Variants in LPP observed in about 807,000 individuals in gnomAD.
LPP encodes the protein lipoma-preferred partner.
LPP carries 38 observed loss-of-function variants against 60.4 expected under a neutral mutation model. That is an observed-to-expected ratio of 0.63 (90% confidence interval 0.49 to 0.83). The LOEUF (loss-of-function observed/expected upper bound fraction) is 0.83, where lower values mean the gene tolerates loss of function less well. LPP is among the 40% of genes least tolerant of loss of function. The probability of loss-of-function intolerance (pLI) is 0.00; values close to 1 mark genes in which losing one functional copy is unlikely to be tolerated. For missense variants in LPP, 902 were observed against 783.6 expected, an observed-to-expected ratio of 1.15 and a Z score of -1.80; for synonymous variants, 328 against 290.8, an observed-to-expected ratio of 1.13 and a Z score of -1.30.
intron 5 of LPP, among the ~76,000 whole-genome samples, chr3:188,511,337 C>T (rs1319298169): frequency 6.9e-6 from 1 of 145,770 alleles, no homozygotes; most frequent in African/African-American, 2.6e-5. Flanking sequence ...TCCCTCCCTC[C>T]CTTGTCCCTC....
chr3:188,581,961 CAG>C (rs1836275342), intron 6 of LPP, among the ~76,000 whole-genome samples: 1 of 65,402 alleles, frequency 1.5e-5, no homozygotes, highest in African/African-American at 4.3e-5. Flanking sequence ...AGGCTTTTTT[CAG>C]AGTTTCCCTT....
At position 188,352,507 on chromosome 3, in the gene LPP, T is replaced by A. The variant is rs1471904922; in HGVS notation, c.-10+10788T>A. Among the ~76,000 whole-genome samples the A allele has an allele frequency of 6.6e-6, 1 of 152,140 alleles. No individual in the cohort carries two copies. Among genetic ancestry groups the A allele is most frequent in the Non-Finnish European group, 1.5e-5 (1 of 68,020 alleles). ...GCCCTCAGTTGCCACTTGGAAACGG[T>A]TGGAAACTGTAGATCAGGCACAGAC... On this transcript the variant is annotated intron_variant, in intron 3 of 11. Transcript: ENST00000617246. This position sits in a 1 kb window ranked among gnomAD's most constrained non-coding sequence, Gnocchi z 4.4.
chr3:188,293,836 G>A (rs1427971744), intron 2 of LPP, among the ~76,000 whole-genome samples: 3 of 151,946 alleles, frequency 2.0e-5, no homozygotes, highest in Non-Finnish European at 4.4e-5. Flanking sequence ...AGACCGAGGT[G>A]GGTGAATCAC....
At chr3:188,239,967 T>A (rs1723334841) in intron 2 of LPP, 2 of 198,172 alleles carry the variant, frequency 1.0e-5, no homozygotes, top group Admixed American at 6.1e-5. Flanking sequence ...CACCTCACTT[T>A]ACAGTCAGAG....
intron 4 of LPP, among the ~76,000 whole-genome samples, chr3:188,440,276 T>C (rs1793443336): frequency 6.6e-6 from 1 of 152,216 alleles, no homozygotes; most frequent in African/African-American, 2.4e-5. Flanking sequence ...ATTTTCAGTG[T>C]CCTCTTTCGT....
In LPP at chr3:188,181,198, C is replaced by T. The variant is rs543416965; in HGVS notation, c.-190+26946C>T. Among the ~76,000 whole-genome samples, 295 of 152,018 alleles carry T rather than the reference C, an allele frequency of 1.9e-3. 2 individuals are homozygous for T. Among genetic ancestry groups the T allele is most frequent in the African/African-American group, 6.9e-3 (286 of 41,446 alleles). The stretch of plus-strand genomic sequence containing the variant: ...TGAAACCCCGTCTCTACTAAAAATA[C>T]AAAAACTAGCTGGACTTGGTAGCGC... On this transcript the variant is annotated intron_variant, in intron 1 of 11. Coordinates refer to ENST00000617246, the MANE Select transcript of LPP (RefSeq NM_001375462.1).
At chr3:188,459,707 C>T (rs779767194) in intron 4 of LPP, among the ~76,000 whole-genome samples, 4 of 152,158 alleles carry the variant, frequency 2.6e-5, no homozygotes, top group Non-Finnish European at 4.4e-5. Flanking sequence ...CATGGGGACT[C>T]ATACTCAGAG....
At chr3:188,168,751 T>G (rs1212682280) in intron 1 of LPP, among the ~76,000 whole-genome samples, 6 of 152,248 alleles carry the variant, frequency 3.9e-5, no homozygotes, top group Non-Finnish European at 8.8e-5. Flanking sequence ...CTATCTTGTT[T>G]AAAGTCAATT....
Position 188,606,758 on chromosome 3 carries a change from A to G in LPP, c.430-2403A>G, listed in dbSNP as rs545799811. 2.6e-5 allele frequency among the ~76,000 whole-genome samples: 4 copies of G among 152,318 alleles called. No individual in the cohort carries two copies. The East Asian group carries it at 7.7e-4, about 29-fold the overall frequency. On this transcript the variant is annotated intron_variant, in intron 6 of 11. Coordinates refer to ENST00000617246, the MANE Select transcript of LPP (RefSeq NM_001375462.1). The stretch of plus-strand genomic sequence containing the variant: ...TTGAACCTAGAAAAAATTTAAGGTC[A>G]GATTTTTCTCGTCAATAATGCCAGT...
chr3:188,239,250 T>TC (rs1037120320), intron 2 of LPP, among the ~76,000 whole-genome samples: 1 of 152,210 alleles, frequency 6.6e-6, no homozygotes, highest in African/African-American at 2.4e-5. Context: ...GTAAGCCTAA[T>TC]CACCCATTCA....
chr3:188,711,811 T>A (rs143703115), intron 8 of LPP: 15 of 152,228 alleles, frequency 9.9e-5, no homozygotes, highest in African/African-American at 3.1e-4. Context: ...CAAGTGTTCT[T>A]TGAGAATTCA....
chr3:188,173,123 C>T (rs1263168595), intron 1 of LPP, among the ~76,000 whole-genome samples: 1 of 152,206 alleles, frequency 6.6e-6, no homozygotes, highest in Admixed American at 6.5e-5. Flanking sequence ...CCTGCCTCAG[C>T]CTTTTAAACT....
intron 4 of LPP, among the ~76,000 whole-genome samples, chr3:188,414,759 G>A (rs1177345000): frequency 6.6e-6 from 1 of 152,144 alleles, no homozygotes; most frequent in Non-Finnish European, 1.5e-5. Context: ...CTTGAATGCA[G>A]GCAACAATTT....
chr3:188,826,704 A>G (rs1224673893), intron 9 of LPP, among the ~76,000 whole-genome samples: 1 of 151,890 alleles, frequency 6.6e-6, no homozygotes, highest in Admixed American at 6.6e-5. Context: ...TTAAGACTCA[A>G]CTCAAATACC....
rs954893077 is a variant in LPP at position 188,513,996 on chromosome 3, T to C, written c.307-10669T>C. Among the ~76,000 whole-genome samples the C allele has an allele frequency of 2.6e-5, 4 of 152,198 alleles. No individual in the cohort carries two copies. In the East Asian group the frequency reaches 7.7e-4, roughly 29 times the overall value. On this transcript the variant is annotated intron_variant, in intron 5 of 11. Coordinates refer to ENST00000617246, the MANE Select transcript of LPP (RefSeq NM_001375462.1). ...TGGAAGGTGCATACCCTCATTTTTG[T>C]AGAGGTAAAAGTTGAGTTCCAGAAA...
chr3:188,699,433 ATTTGG>A (rs5855218), intron 7 of LPP, among the ~76,000 whole-genome samples: 39,797 of 151,900 alleles, frequency 0.26, 6,049 homozygotes, highest in Non-Finnish European at 0.35. Flanking sequence ...ATGACTCCAA[ATTTGG>A]TTTAAGAAAA....
In LPP at chr3:188,352,614, G is replaced by T. The variant is rs185847325; in HGVS notation, c.-10+10895G>T. Among the ~76,000 whole-genome samples, 381 of 152,314 alleles carry T rather than the reference G, an allele frequency of 2.5e-3. 1 individual carries two copies. The highest frequency in any genetic ancestry group is 8.9e-3 in the African/African-American group (369 of 41,570). On this transcript the variant is annotated intron_variant, in intron 3 of 11. Transcript: ENST00000617246. This position sits in a 1 kb window ranked among gnomAD's most constrained non-coding sequence, Gnocchi z 4.4. The stretch of plus-strand genomic sequence containing the variant: ...GTGAGGACAGTGAGGCGCATTATGC[G>T]GAGGTGACTTGCTCAAGGCCACAGA...
chr3:188,649,207 A>C (rs1026217693), intron 7 of LPP, among the ~76,000 whole-genome samples: 1 of 152,244 alleles, frequency 6.6e-6, no homozygotes, highest in African/African-American at 2.4e-5. Context: ...TCAAAGCCCT[A>C]CATTTAAAAT....
chr3:188,311,458 G>A (rs1019562561), intron 2 of LPP, among the ~76,000 whole-genome samples: 2 of 149,868 alleles, frequency 1.3e-5, no homozygotes, highest in African/African-American at 2.5e-5. Flanking sequence ...GGATAATGGA[G>A]CGAGACCCTA....
Sources: gnomAD v4.1 joint callset for allele counts (sites outside exome capture counted in the v4.1 genomes callset) on GRCh38, gnomAD v4.1.1 for gene constraint, Gnocchi (gnomAD v3.1) non-coding constraint, MANE v1.5 for transcripts, NCBI Gene and HGNC (gene_info 2026-07-23, HGNC 2026-07-21) for gene names.